The following IGSF11 variants were observed in gnomAD, a reference collection of about 807,000 sequenced individuals.
The protein encoded by IGSF11 is immunoglobulin superfamily member 11, also known as CXADR like 1.
A neutral mutation model predicts 41.0 loss-of-function variants in IGSF11; 22 were observed. That is an observed-to-expected ratio of 0.54 (90% CI 0.38 to 0.77). The LOEUF (loss-of-function observed/expected upper bound fraction) is 0.77. Among genes scored for constraint, IGSF11 ranks in the 30% least tolerant of loss-of-function variants. The pLI, the probability that IGSF11 is intolerant of heterozygous loss-of-function variation, is 0.00. For missense variants in IGSF11, 444 were observed against 530.8 expected (o/e 0.84, Z 1.61); for synonymous variants, 219 against 201.3 (o/e 1.09, Z -0.74).
intron 3 of IGSF11, among the ~76,000 whole-genome samples, chr3:118,928,066 C>A (rs529209656): frequency 6.6e-6 from 1 of 152,216 alleles, no homozygotes; most frequent in East Asian, 1.9e-4. Context: ...TATGCCAGGA[C>A]AACACGTGCA....
chr3:119,062,720 G>A (rs1035795069), intron 1 of IGSF11, among the ~76,000 whole-genome samples: 1 of 152,110 alleles, frequency 6.6e-6, no homozygotes, highest in Non-Finnish European at 1.5e-5. Context: ...GTCCTATATT[G>A]ATTGATACTT....
intron 1 of IGSF11, among the ~76,000 whole-genome samples, chr3:119,054,897 C>A (rs1271014981): frequency 7.0e-6 from 1 of 143,038 alleles, no homozygotes; most frequent in Non-Finnish European, 1.6e-5. Context: ...GGGTCCCTGA[C>A]ACCTGAGTAG....
intron 1 of IGSF11, 55 bp downstream of exon 1, chr3:119,034,476 C>CGGGCCCGCCGACCCGGCCT: frequency 6.9e-7 from 1 of 1,446,932 alleles, no homozygotes; most frequent in Non-Finnish European, 9.2e-7. Flanking sequence ...AGCTTCGCCC[C>CGGGCCCGCCGACCCGGCCT]GGGCCCGCCG....
chr3:118,963,147 C>A (rs1444662649), intron 1 of IGSF11, among the ~76,000 whole-genome samples: 6 of 152,156 alleles, frequency 3.9e-5, no homozygotes, highest in Admixed American at 1.3e-4. Flanking sequence ...ATCTGTCATA[C>A]CCGCTTAAAA....
At chr3:118,994,925 G>A (rs2107658008) in intron 1 of IGSF11, among the ~76,000 whole-genome samples, 1 of 152,272 alleles carries the variant, frequency 6.6e-6, no homozygotes, top group South Asian at 2.1e-4. Context: ...AGAACGTGGA[G>A]GAAGGAAAGC....
intron 1 of IGSF11, among the ~76,000 whole-genome samples, chr3:119,025,931 T>C (rs1271223683): frequency 6.6e-6 from 1 of 152,076 alleles, no homozygotes; most frequent in Non-Finnish European, 1.5e-5. Context: ...AATACTAAAC[T>C]TCCATTAAAA....
intron 1 of IGSF11, among the ~76,000 whole-genome samples, chr3:119,061,242 T>A (rs1942042350): frequency 6.6e-6 from 1 of 152,216 alleles, no homozygotes; most frequent in South Asian, 2.1e-4. Context: ...AATCTTCTTA[T>A]GCGCCATTTC....
intron 1 of IGSF11, among the ~76,000 whole-genome samples, chr3:118,936,392 A>G (rs928403845): frequency 6.6e-6 from 1 of 151,960 alleles, no homozygotes; most frequent in African/African-American, 2.4e-5. Flanking sequence ...CTGTAGTCCC[A>G]GCTACTTGGG....
chr3:118,907,044 T>C (rs1939690129), intron 4 of IGSF11, among the ~76,000 whole-genome samples: 1 of 152,134 alleles, frequency 6.6e-6, no homozygotes, highest in African/African-American at 2.4e-5. Context: ...GCTGCAAATT[T>C]AGAAGTAAAT....
At chr3:119,114,675 G>T (rs1009012084) in intron 1 of IGSF11, among the ~76,000 whole-genome samples, 1 of 152,206 alleles carries the variant, frequency 6.6e-6, no homozygotes, top group African/African-American at 2.4e-5. Context: ...TCATCTTCTT[G>T]TCTTTTTCTG....
chr3:119,063,881 T>C (rs1209694020), intron 1 of IGSF11, among the ~76,000 whole-genome samples: 2 of 152,202 alleles, frequency 1.3e-5, no homozygotes, highest in East Asian at 1.9e-4. Context: ...ACTTGCTCTG[T>C]AATATGTAGT....
intron 1 of IGSF11, among the ~76,000 whole-genome samples, chr3:119,010,760 CATATCTATAT>C (rs1255735515): frequency 6.6e-6 from 1 of 152,206 alleles, no homozygotes; most frequent in Non-Finnish European, 1.5e-5. Context: ...TCTCTTTCTA[CATATCTATAT>C]ATATCTAATG....
intron 1 of IGSF11, among the ~76,000 whole-genome samples, chr3:119,120,736 C>A (rs2077321540): frequency 6.6e-6 from 1 of 152,178 alleles, no homozygotes; most frequent in African/African-American, 2.4e-5. Context: ...GTTGCCATGA[C>A]ACCAGCACAA....
At chr3:119,106,902 A>G (rs1389147938), upstream of IGSF11, among the ~76,000 whole-genome samples, 1 of 152,122 alleles carries the variant, frequency 6.6e-6, no homozygotes, top group Non-Finnish European at 1.5e-5. Context: ...CCATGTCCCT[A>G]CAAAGGACAT....
At chr3:119,087,600 C>T (rs62273470) in intron 1 of IGSF11, among the ~76,000 whole-genome samples, 2,477 of 151,926 alleles carry the variant, frequency 0.016, 38 homozygotes, top group Non-Finnish European at 0.023. Flanking sequence ...AAGAATGATA[C>T]CCTGGACTTT....
At chr3:118,924,525 T>A (rs897627608) in intron 4 of IGSF11, among the ~76,000 whole-genome samples, 19 of 152,162 alleles carry the variant, frequency 1.2e-4, no homozygotes, top group Non-Finnish European at 2.4e-4. Context: ...GTAACTTTGA[T>A]AATCAATCCA....
chr3:119,093,435 C>T (rs2076797440), intron 1 of IGSF11, among the ~76,000 whole-genome samples: 1 of 150,788 alleles, frequency 6.6e-6, no homozygotes, highest in Admixed American at 6.6e-5. Context: ...GACCGTTAAA[C>T]TTACTCTGGT....
chr3:119,110,149 A>G (rs1295337294), upstream of IGSF11, among the ~76,000 whole-genome samples: 3 of 152,108 alleles, frequency 2.0e-5, no homozygotes, highest in Admixed American at 1.3e-4. Flanking sequence ...TATCCTTGTC[A>G]ACTTTCTGTC....
intron 1 of IGSF11, among the ~76,000 whole-genome samples, chr3:119,047,577 A>G (rs1161516875): frequency 6.6e-6 from 1 of 152,252 alleles, no homozygotes; most frequent in Non-Finnish European, 1.5e-5. Context: ...TGTCAACATT[A>G]GACAGACCAA....
Sources: gnomAD v4.1 joint callset for allele counts (sites outside exome capture counted in the v4.1 genomes callset) on GRCh38, gnomAD v4.1.1 for gene constraint, MANE v1.5 for transcripts, NCBI Gene and HGNC (gene_info 2026-07-23, HGNC 2026-07-21) for gene names.